Variants in LAMA2 observed in about 807,000 individuals in gnomAD.
LAMA2 encodes laminin subunit alpha-2.
In LAMA2, 269 loss-of-function variants were observed where a neutral mutation model predicts 364.8. The observed-to-expected ratio is 0.74, with a 90% CI of 0.67 to 0.82. The LOEUF (loss-of-function observed/expected upper bound fraction) is 0.82. Ranked by LOEUF, LAMA2 falls within the 40% of genes least tolerant of loss-of-function variation. The pLI, the probability that LAMA2 is intolerant of heterozygous loss-of-function variation, is 0.00. For synonymous variants in LAMA2, 1,379 were observed against 1,370.6 expected, an observed-to-expected ratio of 1.01 and a Z score of -0.14; for missense variants, 3,807 against 3,873.2, an observed-to-expected ratio of 0.98 and a Z score of 0.45.
chr6:129,281,363 C>T (rs969889387), intron 18 of LAMA2, among the ~76,000 whole-genome samples: 1 of 152,126 alleles, frequency 6.6e-6, no homozygotes, highest in Non-Finnish European at 1.5e-5. Context: ...TGGAAAATGA[C>T]AGCTGCTCTG....
intron 51 of LAMA2, among the ~76,000 whole-genome samples, chr6:129,472,386 T>A (rs749830905): frequency 6.6e-6 from 1 of 151,850 alleles, no homozygotes; most frequent in Admixed American, 6.6e-5. Context: ...AAAGGCTAGA[T>A]CTAAGGACAT....
chr6:129,319,336 G>A (rs905580262), intron 27 of LAMA2, among the ~76,000 whole-genome samples: 4 of 152,124 alleles, frequency 2.6e-5, no homozygotes, highest in Admixed American at 2.0e-4. Flanking sequence ...TAATTAATTG[G>A]CCGTGTCTAC....
chr6:129,377,726 T>G (rs1000551344), intron 34 of LAMA2, among the ~76,000 whole-genome samples: 3 of 152,160 alleles, frequency 2.0e-5, no homozygotes, highest in Non-Finnish European at 2.9e-5. Flanking sequence ...ATCTATTCAG[T>G]AGTTAGGTTT....
chr6:128,932,419 T>A (rs1048674745), intron 1 of LAMA2, among the ~76,000 whole-genome samples: 1 of 152,216 alleles, frequency 6.6e-6, no homozygotes, highest in Non-Finnish European at 1.5e-5. Context: ...CCAAACAGAA[T>A]GCCAGATATG....
chr6:129,472,488 G>T (rs983884059), intron 51 of LAMA2, among the ~76,000 whole-genome samples: 1 of 151,958 alleles, frequency 6.6e-6, no homozygotes, highest in Non-Finnish European at 1.5e-5. Context: ...AGGAGTTCCT[G>T]TCTGCTTTCT....
chr6:128,907,318 G>A (rs1482577789), intron 1 of LAMA2, among the ~76,000 whole-genome samples: 2 of 145,064 alleles, frequency 1.4e-5, no homozygotes, highest in Admixed American at 1.4e-4. Context: ...TCCTTGAGCA[G>A]TGGTTTGTAG....
chr6:129,441,146 G>A (rs1782095448), intron 43 of LAMA2, 148 bp downstream of exon 43: 3 of 753,332 alleles, frequency 4.0e-6, no homozygotes, highest in Non-Finnish European at 6.9e-6. Flanking sequence ...GAAATTGAGT[G>A]TCATGCAGTT....
intron 56 of LAMA2, among the ~76,000 whole-genome samples, chr6:129,487,087 A>C (rs1456760543): frequency 6.6e-6 from 1 of 152,070 alleles, no homozygotes; most frequent in Non-Finnish European, 1.5e-5. Context: ...GGACCTATTG[A>C]GCCTATTAAG....
intron 33 of LAMA2, among the ~76,000 whole-genome samples, chr6:129,367,461 C>T (rs781616017): frequency 6.6e-6 from 1 of 152,042 alleles, no homozygotes; most frequent in Non-Finnish European, 1.5e-5. Flanking sequence ...AGTACATTAG[C>T]GCACAGAGAC....
chr6:129,007,164 C>T (rs1582860348), intron 1 of LAMA2, among the ~76,000 whole-genome samples: 1 of 152,122 alleles, frequency 6.6e-6, no homozygotes, highest in South Asian at 2.1e-4. Context: ...GGAGACTTGT[C>T]TCTAAGCTAC....
At position 129,316,246 on chromosome 6, in the gene LAMA2, A is replaced by G. The variant is rs73776925; in HGVS notation, c.4058+75A>G. ...AAGGTTATTGACCTACAGATATCAG[A>G]TAAGAAAGATTGGAAAGTGATTGGT... On this transcript the variant is annotated intron_variant, in intron 27 of 64. Coordinates refer to ENST00000421865, the MANE Select transcript of LAMA2 (RefSeq NM_000426.4). 8.3e-4 allele frequency: 986 copies of G among 1,188,024 alleles called. 3 individuals carry two copies. In the African/African-American group the frequency reaches 0.014, roughly 17 times the overall value. The allele number at this position is 1,188,024 out of a possible 1,614,324, so 73.6% of individuals were successfully genotyped here.
At chr6:128,897,510 A>G (rs1012591519) in intron 1 of LAMA2, among the ~76,000 whole-genome samples, 13 of 152,210 alleles carry the variant, frequency 8.5e-5, no homozygotes, top group Non-Finnish European at 1.3e-4. Flanking sequence ...AAAATAATCA[A>G]GGCCCAGGGC....
intron 33 of LAMA2, among the ~76,000 whole-genome samples, chr6:129,367,427 A>G (rs578161227): frequency 9.2e-5 from 14 of 152,226 alleles, no homozygotes; most frequent in Non-Finnish European, 2.1e-4. Flanking sequence ...ATACATAATG[A>G]CCATGTGTTT....
At chr6:129,066,047 T>TTTTTTTTTTTTTTTTTTTTTTTTTC (rs71028144) in intron 3 of LAMA2, among the ~76,000 whole-genome samples, 1 of 81,864 alleles carries the variant, frequency 1.2e-5, no homozygotes, top group Non-Finnish European at 2.5e-5. Flanking sequence ...GGTTTTTTTT[T>TTTTTTTTTTTTTTTTTTTTTTTTTC]TTTTTTTTTT....
chr6:128,928,683 A>C (rs1476292592), intron 1 of LAMA2, among the ~76,000 whole-genome samples: 1 of 152,218 alleles, frequency 6.6e-6, no homozygotes, highest in African/African-American at 2.4e-5. Context: ...TATGCAAAAG[A>C]ACGTCTTTCT....
chr6:128,969,566 G>A (rs535467675), intron 1 of LAMA2, among the ~76,000 whole-genome samples: 1 of 152,104 alleles, frequency 6.6e-6, no homozygotes, highest in East Asian at 1.9e-4. Flanking sequence ...GAGTAGCTGG[G>A]ATTACAGATT....
chr6:129,158,862 C>G (rs1368492327), intron 8 of LAMA2: 2 of 1,613,772 alleles, frequency 1.2e-6, no homozygotes, highest in East Asian at 2.2e-5. Context: ...TCATCTTCTT[C>G]TATGATGGCA....
chr6:129,486,731 G>A, intron 56 of LAMA2, 109 bp downstream of exon 56: 1 of 997,390 alleles, frequency 1.0e-6, no homozygotes. Context: ...GACCTACTAT[G>A]CATTGCAAAA....
intron 40 of LAMA2, among the ~76,000 whole-genome samples, chr6:129,407,759 C>T (rs2114704846): frequency 6.6e-6 from 1 of 152,286 alleles, no homozygotes; most frequent in South Asian, 2.1e-4. Context: ...ATTTGTAGTC[C>T]TGTCTGGATT....
Sources: allele counts gnomAD v4.1 joint callset (sites outside exome capture counted in the v4.1 genomes callset), GRCh38; gene constraint gnomAD v4.1.1; transcripts MANE v1.5; gene names NCBI Gene and HGNC (gene_info 2026-07-23, HGNC 2026-07-21).